Variants in ABRAXAS1 observed in about 807,000 individuals in gnomAD.
ABRAXAS1 encodes BRCA1-A complex subunit Abraxas 1.
A neutral mutation model predicts 38.4 loss-of-function variants in ABRAXAS1; 26 were observed. The ratio of observed to expected loss-of-function variants is 0.68; its 90% CI spans 0.50 to 0.94. The LOEUF is 0.94. Among genes scored for constraint, ABRAXAS1 ranks in the 40% least tolerant of loss-of-function variants. The pLI, the probability that ABRAXAS1 is intolerant of heterozygous loss-of-function variation, is 0.00. For missense variants in ABRAXAS1, 438 were observed against 481.9 expected (o/e 0.91, Z 0.85); for synonymous variants, 144 against 165.5 (o/e 0.87, Z 1.00).
chr4:83,459,557 C>T lies in ABRAXAS1; in HGVS notation c.*2912G>A, dbSNP rs1721998870. On this transcript the variant is annotated 3_prime_UTR_variant, in exon 9 of 9. Transcript: ENST00000321945. The stretch of plus-strand genomic sequence containing the variant: ...TGTTTAATTATATATAGACTTGACA[C>T]ACTGGATAGAAAATATTTAAAAGGT... 2 of 555,636 alleles carry T rather than the reference C, an allele frequency of 3.6e-6. No individual in the cohort carries two copies. Among genetic ancestry groups the T allele is most frequent in the Non-Finnish European group, 6.4e-6 (2 of 312,184 alleles). 34.4% of individuals were successfully genotyped at this position (555,636 alleles called of 1,614,324 possible).
intron 8 of ABRAXAS1, 89 bp downstream of exon 8, chr4:83,463,405 C>G (rs1261237560): frequency 8.7e-6 from 8 of 916,556 alleles, no homozygotes; most frequent in African/African-American, 3.4e-5. Context: ...TGCACTCCAA[C>G]CTAGGCGACA....
At chr4:83,472,475 A>T (rs947233238) in intron 3 of ABRAXAS1, among the ~76,000 whole-genome samples, 187 bp from the exon 4 acceptor site, 2 of 152,230 alleles carry the variant, frequency 1.3e-5, no homozygotes, top group Admixed American at 1.3e-4. Context: ...TGGTAGAAAC[A>T]TAAAGTCCAT....
At chr4:83,480,729 A>C (rs568704021) in intron 2 of ABRAXAS1, among the ~76,000 whole-genome samples, 1 of 152,320 alleles carries the variant, frequency 6.6e-6, no homozygotes, top group South Asian at 2.1e-4. Context: ...TATTCACTGT[A>C]GTATACTTTA....
chr4:83,482,505 T>TAA (rs1723033890), intron 1 of ABRAXAS1, among the ~76,000 whole-genome samples: 1 of 152,066 alleles, frequency 6.6e-6, no homozygotes, highest in African/African-American at 2.4e-5. Flanking sequence ...ACCCAGGAGT[T>TAA]AAAGACTAGC....
intron 1 of ABRAXAS1, 109 bp from the exon 2 acceptor site, chr4:83,482,353 C>A: frequency 1.8e-6 from 1 of 566,370 alleles, no homozygotes; most frequent in Admixed American, 3.4e-5. Context: ...TGCTACCAGT[C>A]GGGGGCACAT....
intron 1 of ABRAXAS1, among the ~76,000 whole-genome samples, chr4:83,484,648 A>G (rs1054038360): frequency 6.6e-6 from 1 of 152,262 alleles, no homozygotes; most frequent in African/African-American, 2.4e-5. Context: ...CAGGCTCCGC[A>G]GAGCAGCGGA....
At chr4:83,467,420 A>G (rs1319461179) in intron 7 of ABRAXAS1, 34 bp downstream of exon 7, 6 of 1,136,790 alleles carry the variant, frequency 5.3e-6, no homozygotes, top group Middle Eastern at 2.0e-4. Flanking sequence ...AACTCTATCT[A>G]GAAGTGGTTG....
Position 83,461,057 on chromosome 4 carries a change from G to C in ABRAXAS1, c.*1412C>G, listed in dbSNP as rs1163923694. ...GGTAAGAAAGAATACCTCAACAACT[G>C]AATTGAGCTAGCTGAAATTTTGCTC... On this transcript the variant is annotated 3_prime_UTR_variant, in exon 9 of 9. Coordinates refer to ENST00000321945, the MANE Select transcript of ABRAXAS1 (RefSeq NM_139076.3). 6.2e-7 allele frequency: 1 copy of C among 1,612,040 alleles called. No individual in the cohort carries two copies. Among genetic ancestry groups the C allele is most frequent in the Non-Finnish European group, 8.5e-7 (1 of 1,178,450 alleles).
intron 1 of ABRAXAS1, among the ~76,000 whole-genome samples, chr4:83,483,282 T>C (rs1394114999): frequency 2.7e-5 from 4 of 150,884 alleles, no homozygotes; most frequent in African/African-American, 9.7e-5. Context: ...TATATCTTTT[T>C]TTTTTTTTTT....
chr4:83,472,332 A>AC, intron 3 of ABRAXAS1, 44 bp from the exon 4 acceptor site: 1 of 1,164,982 alleles, frequency 8.6e-7, no homozygotes, highest in Non-Finnish European at 1.2e-6. Context: ...CGCTAAAAAT[A>AC]TAAGTAATTT....
At chr4:83,469,001 G>T in intron 6 of ABRAXAS1, 31 bp downstream of exon 6, 2 of 1,595,704 alleles carry the variant, frequency 1.3e-6, no homozygotes, top group Non-Finnish European at 1.7e-6. Context: ...AAGATGAATA[G>T]AAGTTTTGTG....
chr4:83,463,831 C>T (rs756200783), intron 7 of ABRAXAS1: 1 of 320,072 alleles, frequency 3.1e-6, no homozygotes, highest in Non-Finnish European at 5.6e-6. Context: ...TGTAACTTCT[C>T]ATTTATACAG....
chr4:83,480,057 C>T, intron 2 of ABRAXAS1: 1 of 205,464 alleles, frequency 4.9e-6, no homozygotes, highest in South Asian at 6.2e-5. Context: ...AGTAAGATCC[C>T]ATTTGTGTAA....
intron 4 of ABRAXAS1, 108 bp downstream of exon 4, chr4:83,472,114 C>G (rs1262652554): frequency 4.8e-6 from 3 of 620,990 alleles, no homozygotes; most frequent in African/African-American, 2.0e-5. Flanking sequence ...TTACAGGATA[C>G]TATGATGTCA....
chr4:83,468,341 C>G (rs1423964602), intron 6 of ABRAXAS1, among the ~76,000 whole-genome samples: 3 of 150,930 alleles, frequency 2.0e-5, no homozygotes, highest in African/African-American at 7.3e-5. Flanking sequence ...AAAATGTGCA[C>G]CTCAGAATCA....
At position 83,470,224 on chromosome 4, in the gene ABRAXAS1, G is replaced by T. The variant is rs1198674020; in HGVS notation, c.455C>A (p.Ser152Tyr). The T allele has an allele frequency of 1.2e-6, 2 of 1,613,034 alleles. No individual in the cohort carries two copies. The highest frequency in any genetic ancestry group is 4.5e-5 in the East Asian group (2 of 44,848). Residue 152 changes from serine to tyrosine, a missense_variant, in exon 5 of 9, where the codon TCC becomes TAC. By Grantham distance (144) the Ser-to-Tyr change is moderately radical. Transcript: ENST00000321945. ...TTACCCTTTTTGAGGTTTATATAAG[G>T]AATGTTCCAGTCGATGAGTAGAGCA... Reference protein sequence around the residue: ...ESCSTHRLEHSLYKPQKGLFH... With the variant: ...ESCSTHRLEHYLYKPQKGLFH...
rs774724187 is a variant in ABRAXAS1, at chr4:83,461,609, A to G, written c.*860T>C. The G allele has an allele frequency of 1.0e-5, 3 of 297,940 alleles. No homozygotes were observed. The highest frequency in any genetic ancestry group is 4.8e-5 in the East Asian group (1 of 20,706). 18.5% of individuals were successfully genotyped at this position (297,940 alleles called of 1,614,324 possible). A position where few individuals can be genotyped will look rare whatever the true frequency, so the allele number is the denominator to read the frequency against. On this transcript the variant is annotated 3_prime_UTR_variant, in exon 9 of 9. Transcript: ENST00000321945. ...GGACAAAATATTCCTAGACGAGTCTACCCTCAAACCAGTAGTGTCTTTTAC... is the reference window on the plus strand; with the variant it reads ...GGACAAAATATTCCTAGACGAGTCTGCCCTCAAACCAGTAGTGTCTTTTAC...
At chr4:83,476,252 A>C (rs1270757866) in intron 3 of ABRAXAS1, among the ~76,000 whole-genome samples, 4 of 152,186 alleles carry the variant, frequency 2.6e-5, no homozygotes, top group African/African-American at 7.2e-5. Context: ...ACACTAAAAA[A>C]TATAAGTGAG....
rs772462892 is a variant in ABRAXAS1, at chr4:83,467,525, CA to C, written c.609del (p.Phe203LeufsTer7). ...RAVQTHSSKF[F>X]EEDGSLKEVH... ...ACCTCCTTTAAGGATCCATCTTCTT[CA>C]AAAAATTTAGAGCTGTAAAAAATTA... On this transcript the variant is annotated frameshift_variant, in exon 7 of 9. Transcript: ENST00000321945. LOFTEE classifies it high-confidence loss of function. The C allele has an allele frequency of 4.5e-6, 7 of 1,540,804 alleles. No individual in the cohort carries two copies. Among genetic ancestry groups the C allele is most frequent in the African/African-American group, 1.4e-5 (1 of 73,118 alleles).
Sources: allele counts gnomAD v4.1 joint callset (sites outside exome capture counted in the v4.1 genomes callset), GRCh38; gene constraint gnomAD v4.1.1; transcripts MANE v1.5; gene names NCBI Gene and HGNC (gene_info 2026-07-23, HGNC 2026-07-21).